Variants in GCH1 observed in about 807,000 individuals in gnomAD.
GCH1 encodes the protein GTP cyclohydrolase I.
A neutral mutation model predicts 25.9 loss-of-function variants in GCH1; 5 were observed. The observed-to-expected ratio is 0.19, with a 90% CI of 0.10 to 0.41. The LOEUF (loss-of-function observed/expected upper bound fraction) is 0.41. Among genes scored for constraint, GCH1 ranks in the 10% least tolerant of loss-of-function variants. The pLI, the probability that GCH1 is intolerant of heterozygous loss-of-function variation, is 1.00. For synonymous variants in GCH1, 159 were observed against 129.6 expected (o/e 1.23, Z -1.54); for missense variants, 261 against 336.5 (o/e 0.78, Z 1.75).
At chr14:54,849,364 G>A (rs2039690914) in intron 3 of GCH1, among the ~76,000 whole-genome samples, 1 of 151,866 alleles carries the variant, frequency 6.6e-6, no homozygotes, top group Admixed American at 6.6e-5. Context: ...TTATTTTGCT[G>A]TCATTCTGGA....
intron 1 of GCH1, chr14:54,886,041 G>A: frequency 4.6e-6 from 1 of 218,340 alleles, no homozygotes. Flanking sequence ...AACCCTAGTG[G>A]TACTTGTCTC....
chr14:54,862,477 G>T (rs61977036), intron 2 of GCH1, among the ~76,000 whole-genome samples: 4 of 149,326 alleles, frequency 2.7e-5, no homozygotes, highest in African/African-American at 5.0e-5. Context: ...CGACCTCCTG[G>T]GTTCAAGCGA....
intron 2 of GCH1, among the ~76,000 whole-genome samples, chr14:54,862,010 C>A (rs1371212429): frequency 3.9e-5 from 6 of 152,018 alleles, no homozygotes; most frequent in Admixed American, 1.3e-4. Flanking sequence ...TGTGATGTAT[C>A]TGGGTTTTCT....
chr14:54,886,985 T>G (rs2140108467), intron 1 of GCH1, among the ~76,000 whole-genome samples: 1 of 152,262 alleles, frequency 6.6e-6, no homozygotes, highest in African/African-American at 2.4e-5. Context: ...GCAGAAAGAG[T>G]GGCCTAATGC....
At chr14:54,878,841 G>C (rs973900070) in intron 1 of GCH1, among the ~76,000 whole-genome samples, 1 of 152,108 alleles carries the variant, frequency 6.6e-6, no homozygotes, top group African/African-American at 2.4e-5. Flanking sequence ...ACCACTCATT[G>C]TAGCCTCCAT....
intron 2 of GCH1, among the ~76,000 whole-genome samples, chr14:54,863,895 G>A (rs2039955709): frequency 6.6e-6 from 1 of 151,618 alleles, no homozygotes; most frequent in African/African-American, 2.4e-5. Context: ...GTCTGGCTCT[G>A]TTGCCCAGGC....
At chr14:54,895,258 C>G (rs1318883998) in intron 1 of GCH1, among the ~76,000 whole-genome samples, 1 of 152,142 alleles carries the variant, frequency 6.6e-6, no homozygotes, top group Non-Finnish European at 1.5e-5. Flanking sequence ...GCTTCCTCAG[C>G]CCTCACAGGG....
At chr14:54,875,816 A>G (rs1181662846) in intron 1 of GCH1, among the ~76,000 whole-genome samples, 2 of 152,252 alleles carry the variant, frequency 1.3e-5, no homozygotes, top group African/African-American at 4.8e-5. Context: ...TACACCAGTT[A>G]GAATGGCGAT....
intron 1 of GCH1, among the ~76,000 whole-genome samples, chr14:54,872,401 T>C (rs1193768687): frequency 2.6e-5 from 4 of 152,178 alleles, no homozygotes; most frequent in South Asian, 4.1e-4. Context: ...ACATGCCAAA[T>C]TGTAAAGACC....
chr14:54,891,598 T>C (rs575687122), intron 1 of GCH1, among the ~76,000 whole-genome samples: 2 of 151,858 alleles, frequency 1.3e-5, no homozygotes, highest in Non-Finnish European at 2.9e-5. Context: ...TTTGTAGAAA[T>C]GAGGTTTGGC....
At chr14:54,890,206 C>T (rs190864532) in intron 1 of GCH1, among the ~76,000 whole-genome samples, 1 of 152,252 alleles carries the variant, frequency 6.6e-6, no homozygotes, top group East Asian at 1.9e-4. Context: ...GCAGATAAAA[C>T]AAATAACCAG....
chr14:54,851,815 C>T (rs1019819116), intron 3 of GCH1, among the ~76,000 whole-genome samples: 8 of 152,174 alleles, frequency 5.3e-5, no homozygotes, highest in Admixed American at 5.2e-4. Context: ...GACGGTGTGG[C>T]GATTCCTCAG....
chr14:54,850,588 G>A (rs150180569), intron 3 of GCH1, among the ~76,000 whole-genome samples: 2,600 of 152,024 alleles, frequency 0.017, 66 homozygotes, highest in African/African-American at 0.05. Flanking sequence ...TGCTGCACTC[G>A]TTAACTCATC....
rs566260746 is a variant in GCH1, at chr14:54,892,801, G to A, written c.343+9520C>T. Among the ~76,000 whole-genome samples, 25 of 151,970 alleles carry A rather than the reference G, an allele frequency of 1.6e-4. No homozygotes were observed. In the South Asian group the frequency reaches 2.7e-3, roughly 16 times the overall value. ...GGACAAACATTGTATGTTTCCGGCC[G>A]GGTGCGGTGGCTCATGCCTGTAATC... On this transcript the variant is annotated intron_variant, in intron 1 of 5. Coordinates refer to ENST00000491895, the MANE Select transcript of GCH1 (RefSeq NM_000161.3).
At chr14:54,882,575 A>AT (rs2040286574) in intron 1 of GCH1, among the ~76,000 whole-genome samples, 2 of 152,206 alleles carry the variant, frequency 1.3e-5, no homozygotes, top group Admixed American at 1.3e-4. Flanking sequence ...TAACTGGATA[A>AT]TTTTGTATAT....
At chr14:54,845,699 G>A in intron 5 of GCH1, 69 bp downstream of exon 5, 1 of 859,212 alleles carries the variant, frequency 1.2e-6, no homozygotes, top group South Asian at 1.3e-5. Flanking sequence ...CAAAATATGA[G>A]AAGCACTAAA....
At chr14:54,896,843 C>T (rs1473356080) in intron 1 of GCH1, among the ~76,000 whole-genome samples, 1 of 146,550 alleles carries the variant, frequency 6.8e-6, no homozygotes, top group Admixed American at 6.7e-5. Context: ...TGGTGTGAAC[C>T]GGGAGACCGA....
intron 3 of GCH1, among the ~76,000 whole-genome samples, chr14:54,852,991 G>T (rs2039757306): frequency 6.6e-6 from 1 of 152,102 alleles, no homozygotes. Flanking sequence ...TTGAGACAGA[G>T]TTTTTGCTCT....
At chr14:54,862,318 A>G (rs1330998656) in intron 2 of GCH1, among the ~76,000 whole-genome samples, 1 of 148,372 alleles carries the variant, frequency 6.7e-6, no homozygotes, top group Non-Finnish European at 1.5e-5. Flanking sequence ...GGCATGAGCC[A>G]CCTCACTCGG....
Sources: gnomAD v4.1 joint callset for allele counts (sites outside exome capture counted in the v4.1 genomes callset) on GRCh38, gnomAD v4.1.1 for gene constraint, MANE v1.5 for transcripts, NCBI Gene and HGNC (gene_info 2026-07-23, HGNC 2026-07-21) for gene names.